PPIL6: variants seen among roughly 807,000 people sequenced by gnomAD.
PPIL6 encodes peptidylprolyl isomerase like 6, also known as probable inactive peptidyl-prolyl cis-trans isomerase-like 6.
PPIL6 carries 39 observed loss-of-function variants against 36.8 expected under a neutral mutation model. The observed-to-expected ratio is 1.06, with a 90% CI of 0.82 to 1.38. The LOEUF is 1.38. Among genes scored for constraint, PPIL6 ranks in the 40% most tolerant of loss-of-function variants. The pLI is 0.00. For synonymous variants in PPIL6, 123 were observed against 134.1 expected (o/e 0.92, Z 0.57); for missense variants, 368 against 379.1 (o/e 0.97, Z 0.24).
At position 109,391,556 on chromosome 6, in the gene PPIL6, G is replaced by A. The variant is rs1772101277; in HGVS notation, c.*1270C>T. The A allele has an allele frequency of 6.6e-6, 1 of 152,118 alleles. No homozygotes were observed. The highest frequency in any genetic ancestry group is 1.5e-5 in the Non-Finnish European group (1 of 68,070). 9.4% of individuals were successfully genotyped at this position (152,118 alleles called of 1,614,324 possible). ...TCTGTGCCCCACGCCTGGGAACCCT[G>A]GGGAAAGAACCAAATGAACACAGAA... On this transcript the variant is annotated 3_prime_UTR_variant, in exon 8 of 8. Coordinates refer to ENST00000521072, the MANE Select transcript of PPIL6 (RefSeq NM_173672.5).
chr6:109,420,519 G>C (rs1389969822), intron 5 of PPIL6, among the ~76,000 whole-genome samples: 1 of 151,958 alleles, frequency 6.6e-6, no homozygotes, highest in Non-Finnish European at 1.5e-5. Context: ...GCATATTTTG[G>C]TTTAGGCAAT....
At chr6:109,420,383 T>C (rs991862175) in intron 5 of PPIL6, among the ~76,000 whole-genome samples, 3 of 136,874 alleles carry the variant, frequency 2.2e-5, no homozygotes, top group Non-Finnish European at 4.8e-5. Flanking sequence ...AAAAAATAGG[T>C]GCTGCAAACA....
Position 109,400,106 on chromosome 6 carries a change from G to GT in PPIL6, c.752dup (p.His251GlnfsTer19). 1.2e-6 allele frequency: 2 copies of GT among 1,613,752 alleles called. No homozygotes were observed. Among genetic ancestry groups the GT allele is most frequent in the South Asian group, 2.2e-5 (2 of 91,040 alleles). ...TGATATAGAATTGTGACCCGTTGCT[G>GT]TGACGGCCTTTGTTGGCCATTCCAA... is the stretch of plus-strand genomic sequence containing the variant. On this transcript the variant is annotated frameshift_variant, in exon 7 of 8. Transcript: ENST00000521072. LOFTEE classifies it high-confidence loss of function.
chr6:109,417,197 G>A (rs1329431886), intron 6 of PPIL6, among the ~76,000 whole-genome samples: 1 of 151,484 alleles, frequency 6.6e-6, no homozygotes, highest in Non-Finnish European at 1.5e-5. Context: ...AAAAAAAAAG[G>A]TAAAAGTATT....
At chr6:109,407,308 C>T (rs1269830314) in intron 6 of PPIL6, among the ~76,000 whole-genome samples, 3 of 151,468 alleles carry the variant, frequency 2.0e-5, no homozygotes, top group African/African-American at 7.3e-5. Context: ...GGCGCTATCT[C>T]GGCTCACTGC....
intron 6 of PPIL6, among the ~76,000 whole-genome samples, chr6:109,410,240 C>T (rs1256822992): frequency 2.0e-5 from 3 of 152,174 alleles, no homozygotes; most frequent in Non-Finnish European, 4.4e-5. Context: ...GTAGCTTTAG[C>T]CAAGCTCCTG....
At chr6:109,422,358 C>T (rs1303382616) in intron 5 of PPIL6, among the ~76,000 whole-genome samples, 1 of 151,932 alleles carries the variant, frequency 6.6e-6, no homozygotes, top group African/African-American at 2.4e-5. Flanking sequence ...GGGGCTGAGG[C>T]AAGAGGATTC....
At chr6:109,394,144 C>T (rs1772203863) in intron 7 of PPIL6, among the ~76,000 whole-genome samples, 1 of 151,982 alleles carries the variant, frequency 6.6e-6, no homozygotes, top group Non-Finnish European at 1.5e-5. Context: ...GCCAAGGCAG[C>T]TGGATTGCCT....
At chr6:109,404,048 C>G (rs1018222835) in intron 6 of PPIL6, among the ~76,000 whole-genome samples, 1 of 152,134 alleles carries the variant, frequency 6.6e-6, no homozygotes, top group East Asian at 1.9e-4. Flanking sequence ...TGGATTTTTT[C>G]TAATTTTGTC....
chr6:109,421,081 AC>A (rs369441833), intron 5 of PPIL6, among the ~76,000 whole-genome samples: 2 of 152,096 alleles, frequency 1.3e-5, no homozygotes, highest in African/African-American at 4.8e-5. Flanking sequence ...AGGGAAATCC[AC>A]CCAGGTGGTC....
At chr6:109,412,180 G>A (rs1437735996) in intron 6 of PPIL6, among the ~76,000 whole-genome samples, 1 of 152,144 alleles carries the variant, frequency 6.6e-6, no homozygotes, top group East Asian at 1.9e-4. Context: ...TGCATAAACT[G>A]CCCCTTAATC....
At chr6:109,399,925 A>T in intron 7 of PPIL6, 110 bp downstream of exon 7, 2 of 743,916 alleles carry the variant, frequency 2.7e-6, no homozygotes, top group Non-Finnish European at 4.0e-6. Flanking sequence ...TTTTGCATTT[A>T]AGCCCTATTT....
At chr6:109,404,878 C>G (rs1394928849) in intron 6 of PPIL6, 2 of 194,670 alleles carry the variant, frequency 1.0e-5, no homozygotes, top group Non-Finnish European at 2.2e-5. Context: ...ACAGTGAAAC[C>G]CCGTCTCTAC....
At chr6:109,411,602 T>C (rs1043097724) in intron 6 of PPIL6, among the ~76,000 whole-genome samples, 9 of 152,232 alleles carry the variant, frequency 5.9e-5, no homozygotes, top group African/African-American at 1.7e-4. Context: ...CACCTGGTTT[T>C]TACCTCTCAT....
rs540233026 is a variant in PPIL6, at chr6:109,428,767, A to G, written c.421-1611T>C. On this transcript the variant is annotated intron_variant, in intron 3 of 7. Coordinates refer to ENST00000521072, the MANE Select transcript of PPIL6 (RefSeq NM_173672.5). Reference sequence around the variant, plus strand: ...TAATTATAATTAATTTGTGCCTCTCAGCTTCTATACTACAAGTTTTTAAGT... The same window carrying G: ...TAATTATAATTAATTTGTGCCTCTCGGCTTCTATACTACAAGTTTTTAAGT... Among the ~76,000 whole-genome samples the G allele has an allele frequency of 7.9e-5, 12 of 152,238 alleles. No individual in the cohort carries two copies. The South Asian group carries it at 2.5e-3, about 32-fold the overall frequency.
upstream of PPIL6, chr6:109,440,992 G>C (rs1582621377): frequency 2.2e-6 from 2 of 892,794 alleles, no homozygotes; most frequent in East Asian, 4.9e-5. Flanking sequence ...CGCGGGCTTG[G>C]TGCCCACCTG....
intron 1 of PPIL6, among the ~76,000 whole-genome samples, chr6:109,437,890 C>G (rs893181158): frequency 6.6e-6 from 1 of 152,120 alleles, no homozygotes; most frequent in African/African-American, 2.4e-5. Flanking sequence ...CTATTTCTAA[C>G]CATCTGGAAT....
At chr6:109,440,384 C>T (rs1253540610) in intron 1 of PPIL6, 72 bp downstream of exon 1, 1 of 1,499,078 alleles carries the variant, frequency 6.7e-7, no homozygotes, top group South Asian at 1.2e-5. Flanking sequence ...GGAGGCGCGG[C>T]GCCTGCAGTC....
Position 109,413,076 on chromosome 6 carries a change from T to C in PPIL6, c.688+6111A>G, listed in dbSNP as rs1245417820. Among the ~76,000 whole-genome samples, 1 of 152,154 alleles carries C rather than the reference T, an allele frequency of 6.6e-6. No homozygotes were observed. The highest frequency in any genetic ancestry group is 1.9e-4 in the East Asian group (1 of 5,184). On this transcript the variant is annotated intron_variant, in intron 6 of 7. Coordinates refer to ENST00000521072, the MANE Select transcript of PPIL6 (RefSeq NM_173672.5). The surrounding 1 kb of genome is among the most constrained non-coding windows in gnomAD (Gnocchi z 4.6). ...GGGAGGCTGAGGGAGGAGAATTGCT[T>C]GAACCCAGGCAGCGGAGGTTGCAGT...
Sources: allele counts gnomAD v4.1 joint callset (sites outside exome capture counted in the v4.1 genomes callset), GRCh38; gene constraint gnomAD v4.1.1; non-coding constraint Gnocchi (gnomAD v3.1); transcripts MANE v1.5; gene names NCBI Gene and HGNC (gene_info 2026-07-23, HGNC 2026-07-21).